The following TIAM1 variants were observed in gnomAD, a reference collection of about 807,000 sequenced individuals.
The protein encoded by TIAM1 is rho guanine nucleotide exchange factor TIAM1.
A neutral mutation model predicts 163.5 loss-of-function variants in TIAM1; 65 were observed. The ratio of observed to expected loss-of-function variants is 0.40; its 90% CI spans 0.33 to 0.49. TIAM1 has a LOEUF of 0.49. Among genes scored for constraint, TIAM1 ranks in the 20% least tolerant of loss-of-function variants. The pLI is 0.77. For synonymous variants in TIAM1, 833 were observed against 810.1 expected (o/e 1.03, Z -0.48); for missense variants, 1,789 against 2,044.7 (o/e 0.87, Z 2.41).
chr21:31,287,603 G>A (rs1337567676), intron 2 of TIAM1, among the ~76,000 whole-genome samples: 1 of 152,160 alleles, frequency 6.6e-6, no homozygotes, highest in Non-Finnish European at 1.5e-5. Context: ...AGGGATAGGA[G>A]AGAGTTTACA....
intron 1 of TIAM1, among the ~76,000 whole-genome samples, chr21:31,549,278 G>A (rs2048602624): frequency 6.6e-6 from 1 of 152,184 alleles, no homozygotes; most frequent in African/African-American, 2.4e-5. Context: ...ACCTACATAT[G>A]TAGTGAAAAG....
intron 22 of TIAM1, among the ~76,000 whole-genome samples, chr21:31,137,514 AT>A (rs1229492361): frequency 6.6e-6 from 1 of 152,118 alleles, no homozygotes; most frequent in East Asian, 1.9e-4. Context: ...GAGGAGTTAC[AT>A]ACAAAAGACA....
At position 31,423,744 on chromosome 21, in the gene TIAM1, T is replaced by C. The variant is rs143459829; in HGVS notation, c.-369+40239A>G. Among the ~76,000 whole-genome samples, 1,178 of 136,992 alleles carry C rather than the reference T, an allele frequency of 8.6e-3. 23 individuals carry two copies. The highest frequency in any genetic ancestry group is 0.031 in the African/African-American group (1,120 of 36,016). 89.9% of individuals were successfully genotyped at this position (136,992 alleles called of 152,430 possible). A position where few individuals can be genotyped will look rare whatever the true frequency, so the allele number is the denominator to read the frequency against. ...AAAAAAAAAAACCTTGAAAACATTATGCTACGTGAAAGAAGCCAGTCACAA... is the reference window on the plus strand; with the variant it reads ...AAAAAAAAAAACCTTGAAAACATTACGCTACGTGAAAGAAGCCAGTCACAA... On this transcript the variant is annotated intron_variant, in intron 2 of 28. Transcript: ENST00000286827.
At chr21:31,475,363 C>T (rs926652091) in intron 1 of TIAM1, among the ~76,000 whole-genome samples, 5 of 152,066 alleles carry the variant, frequency 3.3e-5, no homozygotes, top group South Asian at 2.1e-4. Flanking sequence ...CCACTGCATC[C>T]GGCACTGTGA....
rs1340882952 is a variant in TIAM1, at chr21:31,250,700, C to T, written c.1411+1042G>A. 3.3e-5 allele frequency among the ~76,000 whole-genome samples: 5 copies of T among 152,296 alleles called. No individual in the cohort carries two copies. The East Asian group carries it at 5.8e-4, about 18-fold the overall frequency. On this transcript the variant is annotated intron_variant, in intron 5 of 27. Transcript: ENST00000541036. ...AGCCTGCCATGTATTAACCCTGTTT[C>T]AAGTCTAGCTTGGGAAGAAAAGTCT...
chr21:31,558,052 G>A (rs2048948190), intron 1 of TIAM1, among the ~76,000 whole-genome samples: 1 of 152,284 alleles, frequency 6.6e-6, no homozygotes, highest in African/African-American at 2.4e-5. Flanking sequence ...AACTTCTCCA[G>A]GTTTCGAGGG....
chr21:31,452,873 G>T, intron 2 of TIAM1: 1 of 517,398 alleles, frequency 1.9e-6, no homozygotes. Context: ...AAAAAGCAGT[G>T]CAGTCTTTTT....
At chr21:31,256,919 T>A (rs1473317867) in intron 4 of TIAM1, among the ~76,000 whole-genome samples, 1 of 152,140 alleles carries the variant, frequency 6.6e-6, no homozygotes, top group Non-Finnish European at 1.5e-5. Flanking sequence ...TCAGCCCTAC[T>A]TACATCTTGG....
intron 2 of TIAM1, among the ~76,000 whole-genome samples, chr21:31,314,912 G>A (rs538312001): frequency 6.6e-5 from 10 of 152,190 alleles, no homozygotes; most frequent in Admixed American, 3.9e-4. Context: ...TTATGTGCAG[G>A]GACGTACCTG....
At chr21:31,307,910 G>A (rs2074777728) in intron 2 of TIAM1, among the ~76,000 whole-genome samples, 1 of 152,150 alleles carries the variant, frequency 6.6e-6, no homozygotes, top group Admixed American at 6.5e-5. Context: ...ATGGGGAGAA[G>A]AGAGCCAAGT....
At chr21:31,203,160 T>C in intron 11 of TIAM1, 148 bp from the exon 12 acceptor site, 1 of 705,014 alleles carries the variant, frequency 1.4e-6, no homozygotes, top group Admixed American at 2.5e-5. Flanking sequence ...TTCACTCTTG[T>C]TGCCCAGCCT....
intron 19 of TIAM1, among the ~76,000 whole-genome samples, chr21:31,147,762 A>G (rs2083198772): frequency 7.2e-6 from 1 of 139,796 alleles, no homozygotes; most frequent in Non-Finnish European, 1.5e-5. Context: ...TATAATTAAT[A>G]TATTATATTA....
chr21:31,423,040 TAC>T (rs986853594), intron 2 of TIAM1, among the ~76,000 whole-genome samples: 1 of 146,944 alleles, frequency 6.8e-6, no homozygotes, highest in African/African-American at 2.5e-5. Flanking sequence ...AGTCACTTAA[TAC>T]ACACTGATTG....
chr21:31,375,356 A>G, intron 2 of TIAM1, among the ~76,000 whole-genome samples: 1 of 152,208 alleles, frequency 6.6e-6, no homozygotes, highest in East Asian at 1.9e-4. Flanking sequence ...GTGCATGAAT[A>G]TGTATATATC....
chr21:31,478,255 A>G (rs973202032), intron 1 of TIAM1, among the ~76,000 whole-genome samples: 1 of 152,266 alleles, frequency 6.6e-6, no homozygotes, highest in East Asian at 1.9e-4. Context: ...TTGCCTTAAA[A>G]GGACAATAGA....
intron 15 of TIAM1, 98 bp downstream of exon 15, chr21:31,182,323 C>G (rs144988927): frequency 2.0e-5 from 20 of 1,025,188 alleles, no homozygotes; most frequent in East Asian, 2.8e-5. Context: ...ACCTGCCAGA[C>G]AGAGGCACTC....
chr21:31,465,210 A>C, intron 1 of TIAM1, among the ~76,000 whole-genome samples: 1 of 151,898 alleles, frequency 6.6e-6, no homozygotes, highest in Non-Finnish European at 1.5e-5. Flanking sequence ...TGTCTCAAAA[A>C]AAAATTTTTC....
chr21:31,367,890 G>C (rs2076528186), intron 2 of TIAM1, among the ~76,000 whole-genome samples: 1 of 152,048 alleles, frequency 6.6e-6, no homozygotes, highest in South Asian at 2.1e-4. Flanking sequence ...TTACTTTACT[G>C]AGTGTTTATC....
chr21:31,392,076 T>C lies in TIAM1; in HGVS notation c.-368-52654A>G, dbSNP rs118153748. Among the ~76,000 whole-genome samples, 873 of 152,268 alleles carry C rather than the reference T, an allele frequency of 5.7e-3. 5 individuals are homozygous for C. Among genetic ancestry groups the C allele is most frequent in the Non-Finnish European group, 9.0e-3 (615 of 68,018 alleles). ...GCTAATGTAAGTGTTTTGAGCACAT[T>C]TAAGGTAGGCTAGGCTAAGCTAGGA... On this transcript the variant is annotated intron_variant, in intron 2 of 28. Coordinates refer to the TIAM1 transcript ENST00000286827.
Sources: gnomAD v4.1 joint callset for allele counts (sites outside exome capture counted in the v4.1 genomes callset) on GRCh38, gnomAD v4.1.1 for gene constraint, MANE v1.5 for transcripts, NCBI Gene and HGNC (gene_info 2026-07-23, HGNC 2026-07-21) for gene names.